TFB1M: variants seen among roughly 807,000 people sequenced by gnomAD.
TFB1M encodes dimethyladenosine transferase 1, mitochondrial.
In TFB1M, 27 loss-of-function variants were observed where a neutral mutation model predicts 31.1. That is an observed-to-expected ratio of 0.87 (90% CI 0.64 to 1.20). TFB1M has a LOEUF of 1.20. Among genes scored for constraint, TFB1M ranks in the 50% most tolerant of loss-of-function variants. The probability of loss-of-function intolerance (pLI) is 0.00; values close to 1 mark genes in which losing one functional copy is unlikely to be tolerated. For missense variants in TFB1M, 394 were observed against 418.7 expected, an observed-to-expected ratio of 0.94 and a Z score of 0.51; for synonymous variants, 166 against 151.8, an observed-to-expected ratio of 1.09 and a Z score of -0.69.
Position 155,257,190 on chromosome 6 carries a change from C to CAAAA in TFB1M, c.*642_*645dup, listed in dbSNP as rs11455127. On this transcript the variant is annotated 3_prime_UTR_variant, in exon 7 of 7. Transcript: ENST00000367166. ...TAAACTGGTGGTAAAGTGGAAATTG[C>CAAAA]AAAAAAAAAAAAAAAAAAAAACTGT... 473 of 547,472 alleles carry CAAAA rather than the reference C, an allele frequency of 8.6e-4. 1 individual carries two copies. The highest frequency in any genetic ancestry group is 3.5e-3 in the African/African-American group (138 of 39,024). The allele number at this position is 547,472 out of a possible 1,614,324, so 33.9% of individuals were successfully genotyped here.
the TFB1M span, among the ~76,000 whole-genome samples, chr6:155,245,915 C>T: frequency 2.0e-5 from 3 of 152,130 alleles, no homozygotes; most frequent in African/African-American, 4.8e-5. Flanking sequence ...TAATTAGTAG[C>T]TGGGAACAAG....
chr6:155,275,902 G>A, intron 5 of TFB1M: 2 of 1,614,146 alleles, frequency 1.2e-6, no homozygotes, highest in Non-Finnish European at 8.5e-7. Flanking sequence ...GCACTGGGAT[G>A]TTCAGCTGTG....
chr6:155,259,061 T>C (rs2114659601), intron 6 of TFB1M, among the ~76,000 whole-genome samples: 1 of 152,332 alleles, frequency 6.6e-6, no homozygotes, highest in East Asian at 1.9e-4. Context: ...TTGGAAACGC[T>C]AGTGCCAGCT....
chr6:155,243,121 G>A, the TFB1M span, among the ~76,000 whole-genome samples: 1 of 152,138 alleles, frequency 6.6e-6, no homozygotes, highest in Non-Finnish European at 1.5e-5. Flanking sequence ...CTGTCCTGCT[G>A]GAACCTCGTT....
At chr6:155,240,662 C>T in the TFB1M span, 403,062 of 1,613,600 alleles carry the variant, frequency 0.25, 55,838 homozygotes, top group Middle Eastern at 0.29. Context: ...AGACCGCCTC[C>T]GCAAAGTCAT....
At chr6:155,282,330 T>C (rs1397504022) in intron 5 of TFB1M, among the ~76,000 whole-genome samples, 1 of 152,208 alleles carries the variant, frequency 6.6e-6, no homozygotes, top group African/African-American at 2.4e-5. Context: ...AATAGTTCAA[T>C]GGTAGTGAAA....
chr6:155,290,172 G>T (rs1439887753), intron 4 of TFB1M, among the ~76,000 whole-genome samples: 2 of 152,012 alleles, frequency 1.3e-5, no homozygotes, highest in African/African-American at 4.8e-5. Context: ...GGATCACGAG[G>T]TCAGGAGATC....
At chr6:155,292,197 T>C (rs913373880) in intron 4 of TFB1M, among the ~76,000 whole-genome samples, 1 of 152,016 alleles carries the variant, frequency 6.6e-6, no homozygotes. Context: ...CCTGGAGATC[T>C]GGGAGGCCTC....
intron 2 of TFB1M, among the ~76,000 whole-genome samples, chr6:155,305,762 TA>T (rs1777737930): frequency 8.2e-6 from 1 of 121,240 alleles, no homozygotes; most frequent in South Asian, 2.2e-4. Flanking sequence ...TATAAATATA[TA>T]TTAAATTATA....
At chr6:155,289,929 T>C (rs1284775482) in intron 4 of TFB1M, among the ~76,000 whole-genome samples, 1 of 152,186 alleles carries the variant, frequency 6.6e-6, no homozygotes, top group African/African-American at 2.4e-5. Context: ...TCCAGCCACA[T>C]AAACCATGCC....
At chr6:155,240,653 G>C in the TFB1M span, 2 of 1,613,972 alleles carry the variant, frequency 1.2e-6, no homozygotes, top group South Asian at 1.1e-5. Context: ...GTCTGATGCA[G>C]ACCGCCTCCG....
In TFB1M at chr6:155,311,270, C is replaced by A. The variant is rs369050922; in HGVS notation, c.203G>T (p.Gly68Val). 1 of 1,613,694 alleles carries A rather than the reference C, an allele frequency of 6.2e-7. No homozygotes were observed. Among genetic ancestry groups the A allele is most frequent in the African/African-American group, 1.3e-5 (1 of 74,912 alleles). Residue 68 changes from glycine (G) to valine (V), a missense_variant, in exon 2 of 7, where the codon GGA becomes GTA. Gly to Val is a moderately radical substitution (Grantham distance 109). Around this residue, in one of 3 missense-constraint regions of TFB1M, gnomAD observed 273 missense variants for 256.4 expected, o/e 1.06. Coordinates refer to ENST00000367166, the MANE Select transcript of TFB1M (RefSeq NM_016020.4). ...YVYEVGPGPG[G>V]ITRSILNADV... ...GGCATTAAGAATAGATCTTGTGATT[C>A]CCCCTGGCCCAGGGCCCACTTCGTA...
At chr6:155,294,824 C>T (rs1777091204) in intron 4 of TFB1M, among the ~76,000 whole-genome samples, 1 of 152,112 alleles carries the variant, frequency 6.6e-6, no homozygotes, top group African/African-American at 2.4e-5. Flanking sequence ...CCCATGTGCC[C>T]CAACTGACAC....
intron 4 of TFB1M, among the ~76,000 whole-genome samples, chr6:155,294,320 A>G (rs1777068381): frequency 6.6e-6 from 1 of 152,236 alleles, no homozygotes; most frequent in African/African-American, 2.4e-5. Context: ...AAAAAGCACT[A>G]GACATAAATT....
intron 5 of TFB1M, among the ~76,000 whole-genome samples, chr6:155,275,281 ATTCT>A (rs1345272370): frequency 6.6e-6 from 1 of 152,212 alleles, no homozygotes; most frequent in Non-Finnish European, 1.5e-5. Flanking sequence ...TGCTATTAAA[ATTCT>A]TTATCAGATA....
intron 1 of TFB1M, among the ~76,000 whole-genome samples, 175 bp from the exon 2 acceptor site, chr6:155,311,514 G>A (rs721102): frequency 2.6e-4 from 40 of 152,172 alleles, no homozygotes; most frequent in African/African-American, 8.4e-4. Flanking sequence ...AGTGGCAATC[G>A]AATATGCTAC....
rs1468324113 is a variant in TFB1M at position 155,278,818 on chromosome 6, C to T, written c.666+6340G>A. Among the ~76,000 whole-genome samples the T allele has an allele frequency of 2.6e-5, 4 of 152,272 alleles. No individual in the cohort carries two copies. The East Asian group carries it at 7.7e-4, about 29-fold the overall frequency. Reference sequence around the variant, plus strand: ...TTGGTTTGCTTAAGAATGGCATCTACCCTCAGAGTTCTCGTGGGGATTAAA... The same window carrying T: ...TTGGTTTGCTTAAGAATGGCATCTATCCTCAGAGTTCTCGTGGGGATTAAA... On this transcript the variant is annotated intron_variant, in intron 5 of 6. Coordinates refer to ENST00000367166, the MANE Select transcript of TFB1M (RefSeq NM_016020.4).
the TFB1M span, chr6:155,240,544 C>G: frequency 6.2e-7 from 1 of 1,613,466 alleles, no homozygotes; most frequent in African/African-American, 1.3e-5. Flanking sequence ...CTGAGCAGAT[C>G]ACTGCACTGT....
downstream of TFB1M, chr6:155,252,844 G>T: frequency 9.6e-7 from 1 of 1,041,986 alleles, no homozygotes; most frequent in South Asian, 1.5e-5. Flanking sequence ...TGGCTGCTCG[G>T]AGACTCGCCC....
Sources: allele counts gnomAD v4.1 joint callset (sites outside exome capture counted in the v4.1 genomes callset), GRCh38; gene constraint gnomAD v4.1.1; regional missense constraint gnomAD v4.1.1; transcripts MANE v1.5; gene names NCBI Gene and HGNC (gene_info 2026-07-23, HGNC 2026-07-21).